The following NCOA1 variants were observed in gnomAD, a reference collection of about 807,000 sequenced individuals.
The protein encoded by NCOA1 is nuclear receptor coactivator 1.
In NCOA1, 35 loss-of-function variants were observed where a neutral mutation model predicts 150.9. The ratio of observed to expected loss-of-function variants is 0.23; its 90% confidence interval spans 0.18 to 0.31. NCOA1 has a LOEUF of 0.31. NCOA1 is among the 10% of genes least tolerant of loss of function. The pLI is 1.00. For missense variants in NCOA1, 1,491 were observed against 1,749.3 expected, an observed-to-expected ratio of 0.85 and a Z score of 2.63; for synonymous variants, 590 against 630.0, an observed-to-expected ratio of 0.94 and a Z score of 0.95.
At position 24,707,906 on chromosome 2, in the gene NCOA1, T is replaced by C; in HGVS notation, c.2418+18T>C. On this transcript the variant is annotated intron_variant, in intron 13 of 22. Coordinates refer to ENST00000348332, the MANE Select transcript of NCOA1 (RefSeq NM_003743.5). ...AGAGCCAGGTGGGTAACTGCTTGCT[T>C]CACAGAATGGTCATTCTTAGTAATT... The C allele has an allele frequency of 6.4e-7, 1 of 1,566,884 alleles. No individual in the cohort carries two copies.
rs70947839 is a variant in NCOA1, at chr2:24,716,251, TAA to T, written c.2599+5153_2599+5154del. Among the ~76,000 whole-genome samples, 399 of 141,738 alleles carry T rather than the reference TAA, an allele frequency of 2.8e-3. 2 individuals carry two copies. Among genetic ancestry groups the T allele is most frequent in the African/African-American group, 7.8e-3 (294 of 37,928 alleles). The allele number at this position is 141,738 out of a possible 152,430, so 93.0% of individuals were successfully genotyped here. A position where few individuals can be genotyped will look rare whatever the true frequency, so the allele number is the denominator to read the frequency against. On this transcript the variant is annotated intron_variant, in intron 14 of 22. Coordinates refer to ENST00000348332, the MANE Select transcript of NCOA1 (RefSeq NM_003743.5). ...AGGTCCTGAAATAACAAAAACCACT[TAA>T]AAAAAAAAAAAAGAAAACTTGGGAG... is the stretch of plus-strand genomic sequence containing the variant.
chr2:24,686,984 C>T (rs1672435182), intron 8 of NCOA1, among the ~76,000 whole-genome samples: 1 of 151,960 alleles, frequency 6.6e-6, no homozygotes, highest in Non-Finnish European at 1.5e-5. Context: ...CTTAGATATA[C>T]TGACCACCAT....
chr2:24,538,088 T>G lies in NCOA1; in HGVS notation c.-395-26207T>G, dbSNP rs187040089. Among the ~76,000 whole-genome samples, 25 of 152,352 alleles carry G rather than the reference T, an allele frequency of 1.6e-4. No homozygotes were observed. The East Asian group carries it at 4.6e-3, about 28-fold the overall frequency. ...CTTAAGAGATAGCTTTTTAAATGTT[T>G]GTTTTTAGTGTATCTGATGAAATTA... On this transcript the variant is annotated intron_variant, in intron 1 of 22. Coordinates refer to ENST00000348332, the MANE Select transcript of NCOA1 (RefSeq NM_003743.5).
intron 3 of NCOA1, among the ~76,000 whole-genome samples, chr2:24,618,559 A>T (rs1048428694): frequency 2.0e-5 from 3 of 151,962 alleles, no homozygotes; most frequent in African/African-American, 7.2e-5. Flanking sequence ...TAACCAGAGC[A>T]TGGATAGTTA....
chr2:24,658,027 C>T (rs1024435266), intron 4 of NCOA1, among the ~76,000 whole-genome samples: 7 of 152,188 alleles, frequency 4.6e-5, no homozygotes, highest in African/African-American at 7.2e-5. Context: ...GTGTGCTAGG[C>T]GGAATGACTT....
chr2:24,701,555 A>G (rs1056434993), intron 11 of NCOA1, among the ~76,000 whole-genome samples: 1 of 151,586 alleles, frequency 6.6e-6, no homozygotes, highest in Non-Finnish European at 1.5e-5. Context: ...CATATATAAT[A>G]TGATCTCACT....
chr2:24,712,680 A>G (rs746469794), intron 14 of NCOA1, among the ~76,000 whole-genome samples: 13 of 152,086 alleles, frequency 8.5e-5, no homozygotes, highest in Non-Finnish European at 1.9e-4. Flanking sequence ...GAAAAAAACT[A>G]CTAGAAATTT....
At chr2:24,524,982 G>T (rs1664588647) in intron 1 of NCOA1, among the ~76,000 whole-genome samples, 1 of 152,154 alleles carries the variant, frequency 6.6e-6, no homozygotes, top group Non-Finnish European at 1.5e-5. Context: ...GGATATCAGA[G>T]AACTATGGTA....
At chr2:24,496,260 C>G (rs1261830419) in intron 1 of NCOA1, among the ~76,000 whole-genome samples, 2 of 152,178 alleles carry the variant, frequency 1.3e-5, no homozygotes, top group East Asian at 3.8e-4. Context: ...AGGAGATTTT[C>G]TGTGGGCAAA....
At position 24,729,763 on chromosome 2, in the gene NCOA1, C is replaced by T; in HGVS notation, c.3149C>T (p.Ala1050Val). 2 of 1,614,194 alleles carry T rather than the reference C, an allele frequency of 1.2e-6. No individual in the cohort carries two copies. The highest frequency in any genetic ancestry group is 1.7e-6 in the Non-Finnish European group (2 of 1,180,012). The change falls in exon 17 of 23, where the codon GCA becomes GTA. Residue 1050 changes from alanine (A) to valine (V), a missense_variant. This residue lies in a region of NCOA1 where 485 missense variants were observed against 522.8 expected (regional missense o/e 0.93). Coordinates refer to ENST00000348332, the MANE Select transcript of NCOA1 (RefSeq NM_003743.5). ...PRQTLNRPPA[A>V]PNQLRLQLQQ... ...CAAACTCTAAACAGACCTCCGGCTGCACCTAACCAGCTTCGACTTCAACTA... is the reference window on the plus strand; with the variant it reads ...CAAACTCTAAACAGACCTCCGGCTGTACCTAACCAGCTTCGACTTCAACTA...
chr2:24,752,216 A>T, intron 20 of NCOA1, 60 bp downstream of exon 20: 1 of 1,552,742 alleles, frequency 6.4e-7, no homozygotes, highest in Non-Finnish European at 8.8e-7. Flanking sequence ...CTTGATACTG[A>T]TAAATGCTAC....
In NCOA1 at chr2:24,762,715, G is replaced by A; in HGVS notation, c.4094G>A (p.Gly1365Asp). The change falls in exon 22 of 23, where the codon GGC (glycine) becomes GAC (aspartate). Residue 1365 changes from glycine to aspartate, a missense_variant. Gly to Asp is a moderately conservative substitution (Grantham distance 94). Transcript: ENST00000348332. ...AATGATCCCGCACTGAGACACACAG[G>A]CCTCTACTGCAACCAGCTCTCATCC... ...QINDPALRHT[G>D]LYCNQLSSTD... 6.2e-7 allele frequency: 1 copy of A among 1,613,992 alleles called. No individual in the cohort carries two copies. Among genetic ancestry groups the A allele is most frequent in the Non-Finnish European group, 8.5e-7 (1 of 1,179,906 alleles).
chr2:24,666,255 C>T, intron 6 of NCOA1, among the ~76,000 whole-genome samples: 1 of 151,954 alleles, frequency 6.6e-6, no homozygotes, highest in East Asian at 1.9e-4. Context: ...ACCTCGTGAT[C>T]CGCCCACCTC....
At chr2:24,629,479 GTTTTTTTTT>G (rs11333104) in intron 3 of NCOA1, among the ~76,000 whole-genome samples, 1 of 132,414 alleles carries the variant, frequency 7.6e-6, no homozygotes, top group African/African-American at 2.8e-5. Flanking sequence ...TACTGTTTGG[GTTTTTTTTT>G]TTTTTTTTTA....
chr2:24,704,477 A>G (rs1673311519), intron 11 of NCOA1, among the ~76,000 whole-genome samples: 1 of 152,168 alleles, frequency 6.6e-6, no homozygotes, highest in Non-Finnish European at 1.5e-5. Flanking sequence ...CCCCCAGTAT[A>G]GAGAAAGATT....
intron 11 of NCOA1, among the ~76,000 whole-genome samples, chr2:24,700,942 T>G (rs978929840): frequency 6.6e-6 from 1 of 152,184 alleles, no homozygotes; most frequent in Non-Finnish European, 1.5e-5. Context: ...TAATCCCACT[T>G]TAGGTGATTT....
intron 3 of NCOA1, among the ~76,000 whole-genome samples, chr2:24,634,729 G>A (rs1419240738): frequency 2.1e-4 from 6 of 27,952 alleles, no homozygotes; most frequent in East Asian, 6.8e-4. Context: ...CCCCGCCCCC[G>A]GAGACAAGAC....
intron 3 of NCOA1, among the ~76,000 whole-genome samples, chr2:24,609,162 G>C (rs1250781595): frequency 6.6e-6 from 1 of 152,188 alleles, no homozygotes; most frequent in Non-Finnish European, 1.5e-5. Flanking sequence ...CTCCCAGAGG[G>C]AGGAGTAGCT....
At chr2:24,737,097 G>T (rs1663349456) in intron 17 of NCOA1, among the ~76,000 whole-genome samples, 1 of 152,112 alleles carries the variant, frequency 6.6e-6, no homozygotes, top group African/African-American at 2.4e-5. Context: ...TGTGTCTAAG[G>T]ACTAACAACT....
Sources: allele counts gnomAD v4.1 joint callset (sites outside exome capture counted in the v4.1 genomes callset), GRCh38; gene constraint gnomAD v4.1.1; regional missense constraint gnomAD v4.1.1; transcripts MANE v1.5; gene names NCBI Gene and HGNC (gene_info 2026-07-23, HGNC 2026-07-21).